CNTN4: variants seen among roughly 807,000 people sequenced by gnomAD.
CNTN4 encodes contactin-4.
In CNTN4, 77 loss-of-function variants were observed where a neutral mutation model predicts 122.5. The observed-to-expected ratio is 0.63, with a 90% confidence interval of 0.52 to 0.76. The LOEUF (loss-of-function observed/expected upper bound fraction) is 0.76, where lower values mean the gene tolerates loss of function less well. Among genes scored for constraint, CNTN4 ranks in the 30% least tolerant of loss-of-function variants. The pLI is 0.00. For synonymous variants in CNTN4, 512 were observed against 447.0 expected (o/e 1.15, Z -1.83); for missense variants, 1,256 against 1,259.1 (o/e 1.00, Z 0.04).
chr3:2,172,377 T>G (rs900831352), intron 2 of CNTN4, among the ~76,000 whole-genome samples: 1 of 152,020 alleles, frequency 6.6e-6, no homozygotes, highest in Non-Finnish European at 1.5e-5. Context: ...TAAGAATGAT[T>G]TAATGGACTT....
intron 3 of CNTN4, among the ~76,000 whole-genome samples, chr3:2,396,446 G>T (rs1319101285): frequency 6.6e-6 from 1 of 151,808 alleles, no homozygotes; most frequent in Non-Finnish European, 1.5e-5. Context: ...GCCCTTTTTT[G>T]CCCAAAGCAG....
At chr3:2,110,626 T>G (rs1023528844) in intron 2 of CNTN4, 5 of 152,150 alleles carry the variant, frequency 3.3e-5, no homozygotes, top group African/African-American at 9.7e-5. Context: ...TTTCCACCAT[T>G]TGTGAACTGG....
chr3:2,418,491 C>G (rs984850938), intron 3 of CNTN4, among the ~76,000 whole-genome samples: 3 of 152,110 alleles, frequency 2.0e-5, no homozygotes, highest in Non-Finnish European at 2.9e-5. Context: ...TCATTAGATA[C>G]AATAGAATTT....
chr3:2,162,156 C>T (rs72622123), intron 2 of CNTN4, among the ~76,000 whole-genome samples: 15,200 of 152,078 alleles, frequency 0.1, 1,181 homozygotes, highest in East Asian at 0.31. Context: ...TTTTCCTATA[C>T]GCATTATATT....
At chr3:2,935,677 C>A (rs1294012139) in intron 13 of CNTN4, among the ~76,000 whole-genome samples, 1 of 152,144 alleles carries the variant, frequency 6.6e-6, no homozygotes, top group Non-Finnish European at 1.5e-5. Flanking sequence ...CATGATTTAC[C>A]AGAGACTTTT....
intron 4 of CNTN4, among the ~76,000 whole-genome samples, chr3:2,674,721 G>A (rs1224386833): frequency 6.6e-6 from 1 of 151,738 alleles, no homozygotes; most frequent in African/African-American, 2.4e-5. Flanking sequence ...TCAGGCCACA[G>A]CACTCCAGTC....
rs918552359 is a variant in CNTN4 at position 3,056,016 on chromosome 3, C to T, written c.2981-104C>T. The stretch of plus-strand genomic sequence containing the variant: ...CCATTAAGACCTTGATCATCATTTC[C>T]AGTAGAATCCATGCAGTTCTGCTGT... On this transcript the variant is annotated intron_variant, in intron 24 of 24. Transcript: ENST00000418658. The T allele has an allele frequency of 2.4e-5, 18 of 746,702 alleles. No homozygotes were observed. In the African/African-American group the frequency reaches 2.5e-4, roughly 10 times the overall value. 46.3% of individuals were successfully genotyped at this position (746,702 alleles called of 1,614,324 possible).
In CNTN4 at chr3:2,687,385, G is replaced by A. The variant is rs561127360; in HGVS notation, c.56-48830G>A. ...TGCAATATCTGATAGACAAGGCCAA[G>A]CACTGTGGCTCGTGCCTGCAATCTC... On this transcript the variant is annotated intron_variant, in intron 4 of 24. Coordinates refer to ENST00000418658, the MANE Select transcript of CNTN4 (RefSeq NM_175607.3). Among the ~76,000 whole-genome samples the A allele has an allele frequency of 2.6e-4, 39 of 152,336 alleles. No homozygotes were observed. The South Asian group carries it at 7.7e-3, about 30-fold the overall frequency.
chr3:2,358,692 G>A (rs1260422330), intron 3 of CNTN4, among the ~76,000 whole-genome samples: 1 of 152,092 alleles, frequency 6.6e-6, no homozygotes, highest in East Asian at 1.9e-4. Flanking sequence ...ACACAAATCA[G>A]TACTAAAGTG....
At chr3:3,001,746 T>G (rs1323700387) in intron 14 of CNTN4, among the ~76,000 whole-genome samples, 1 of 152,202 alleles carries the variant, frequency 6.6e-6, no homozygotes, top group African/African-American at 2.4e-5. Flanking sequence ...AATTTTTAAA[T>G]TATTAAGTAG....
intron 2 of CNTN4, among the ~76,000 whole-genome samples, chr3:2,271,579 CATT>C (rs991893098): frequency 7.2e-5 from 11 of 152,048 alleles, no homozygotes; most frequent in African/African-American, 1.9e-4. Flanking sequence ...AATTACTTAT[CATT>C]GTTGTTTTAA....
chr3:2,280,375 A>C (rs1482527102), intron 2 of CNTN4, among the ~76,000 whole-genome samples: 5 of 152,238 alleles, frequency 3.3e-5, no homozygotes, highest in Non-Finnish European at 7.3e-5. Flanking sequence ...AATGAGTAAA[A>C]TAATGAATCA....
At chr3:2,357,206 G>A (rs143251540) in intron 3 of CNTN4, among the ~76,000 whole-genome samples, 87 of 152,246 alleles carry the variant, frequency 5.7e-4, no homozygotes, top group African/African-American at 1.9e-3. Context: ...TAGCAATGAC[G>A]TTAAGATACT....
chr3:2,356,343 G>A (rs1327418953), intron 3 of CNTN4, among the ~76,000 whole-genome samples: 2 of 152,154 alleles, frequency 1.3e-5, no homozygotes, highest in African/African-American at 4.8e-5. Context: ...ACAAGGGGTG[G>A]ATTATTCATG....
At chr3:2,752,332 C>T (rs2090135397) in intron 6 of CNTN4, among the ~76,000 whole-genome samples, 1 of 152,150 alleles carries the variant, frequency 6.6e-6, no homozygotes, top group Non-Finnish European at 1.5e-5. Context: ...ATTCTCTCTT[C>T]TGAAAATTAG....
intron 3 of CNTN4, among the ~76,000 whole-genome samples, chr3:2,359,989 C>T (rs2045054780): frequency 6.6e-6 from 1 of 152,204 alleles, no homozygotes; most frequent in South Asian, 2.1e-4. Context: ...ACCAGATGAA[C>T]AGATTATTCG....
chr3:2,842,658 G>A (rs2093383931), intron 7 of CNTN4, among the ~76,000 whole-genome samples: 1 of 152,092 alleles, frequency 6.6e-6, no homozygotes, highest in Non-Finnish European at 1.5e-5. Flanking sequence ...CACAAAAGTA[G>A]CTCTCTTCAG....
At chr3:2,566,840 ACT>A (rs1436971484) in intron 3 of CNTN4, among the ~76,000 whole-genome samples, 1 of 151,980 alleles carries the variant, frequency 6.6e-6, no homozygotes, top group Non-Finnish European at 1.5e-5. Flanking sequence ...GTGTTTTCCC[ACT>A]CTGTCTTGCT....
intron 2 of CNTN4, among the ~76,000 whole-genome samples, chr3:2,118,229 C>T (rs2033502961): frequency 1.3e-5 from 2 of 152,172 alleles, no homozygotes; most frequent in Non-Finnish European, 2.9e-5. Context: ...TAATTTGTCT[C>T]AGGTCATGCA....
Sources: allele counts gnomAD v4.1 joint callset (sites outside exome capture counted in the v4.1 genomes callset), GRCh38; gene constraint gnomAD v4.1.1; transcripts MANE v1.5; gene names NCBI Gene and HGNC (gene_info 2026-07-23, HGNC 2026-07-21).